Variants in PNPLA6 observed in about 807,000 individuals in gnomAD.
The protein encoded by PNPLA6 is patatin-like phospholipase domain-containing protein 6.
PNPLA6 carries 105 observed loss-of-function variants against 153.7 expected under a neutral mutation model. The observed-to-expected ratio is 0.68, with a 90% CI of 0.58 to 0.80. The LOEUF (loss-of-function observed/expected upper bound fraction) is 0.80, where lower values mean the gene tolerates loss of function less well. Among genes scored for constraint, PNPLA6 ranks in the 30% least tolerant of loss-of-function variants. The probability of loss-of-function intolerance (pLI) is 0.00; values close to 1 mark genes in which losing one functional copy is unlikely to be tolerated. For missense variants in PNPLA6, 1,423 were observed against 1,919.3 expected (o/e 0.74, Z 4.83); for synonymous variants, 825 against 822.2 (o/e 1.00, Z -0.06).
intron 17 of PNPLA6, 64 bp downstream of exon 17, chr19:7,551,171 C>T: frequency 7.3e-6 from 8 of 1,096,880 alleles, no homozygotes; most frequent in South Asian, 1.3e-5. Flanking sequence ...GGGGGCCGGG[C>T]CTAGTGTGTG....
Position 7,542,043 on chromosome 19 carries a change from G to C in PNPLA6, c.1228G>C (p.Val410Leu), listed in dbSNP as rs369465821. Residue 410 changes from valine (V) to leucine (L), a missense_variant, in exon 10 of 32, where the codon GTC becomes CTC. Val to Leu is a conservative substitution (Grantham distance 32, BLOSUM62 1). Transcript: ENST00000600737. ...TPSAPLLSRC[V>L]SMPGDISGLQ... ...CTCGGCCCCTCTGCTGAGCCGCTGC[G>C]TCTCCATGCCAGGGGACATCTCAGG... 1 of 1,607,102 alleles carries C rather than the reference G, an allele frequency of 6.2e-7. No homozygotes were observed.
rs145178162 is a variant in PNPLA6 at position 7,561,542 on chromosome 19, G to C, written c.4078G>C (p.Gly1360Arg). ...QRRCLPQEPPGSATDA is the reference protein window; with the variant it reads ...QRRCLPQEPPRSATDA Reference sequence around the variant, plus strand: ...ACGCTGTCTGCCCCAGGAGCCGCCCGGCTCAGCCACAGATGCCTGAGGACC... The same window carrying C: ...ACGCTGTCTGCCCCAGGAGCCGCCCCGCTCAGCCACAGATGCCTGAGGACC... Residue 1360 changes from glycine (G) to arginine (R), a missense_variant, in exon 32 of 32, where the codon GGC (glycine) becomes CGC (arginine). Gly to Arg is a moderately radical substitution (Grantham distance 125, BLOSUM62 -2). This residue lies in a region of PNPLA6 where 643 missense variants were observed against 835.2 expected (regional missense o/e 0.77). Coordinates refer to ENST00000600737, the MANE Select transcript of PNPLA6 (RefSeq NM_001166114.2). 1 of 1,605,832 alleles carries C rather than the reference G, an allele frequency of 6.2e-7. No individual in the cohort carries two copies. The highest frequency in any genetic ancestry group is 2.2e-5 in the East Asian group (1 of 44,618).
chr19:7,554,439 T>G (rs2023781864), intron 20 of PNPLA6, 116 bp from the exon 21 acceptor site: 1 of 1,342,724 alleles, frequency 7.4e-7, no homozygotes, highest in African/African-American at 1.4e-5. Context: ...GAGCACGGAC[T>G]TCCGTGGTGG....
rs531445564 is a variant in PNPLA6 at position 7,554,247 on chromosome 19, C to T, written c.2440C>T (p.Arg814Cys). The part of the protein sequence containing the change: ...LLLNSDIIRA[R>C]LGASALDSIQ... ...CCTTAACAGTGACATCATCCGGGCA[C>T]GCCTGGGGGCCTCCGCACTGGATAG... is the stretch of plus-strand genomic sequence containing the variant. The change falls in exon 20 of 32, where the codon CGC (arginine) becomes TGC (cysteine). Residue 814 changes from arginine to cysteine, a missense_variant. This residue lies in a region of PNPLA6 where 643 missense variants were observed against 835.2 expected (regional missense o/e 0.77). Transcript: ENST00000600737. 21 of 1,614,038 alleles carry T rather than the reference C, an allele frequency of 1.3e-5. No homozygotes were observed. The highest frequency in any genetic ancestry group is 1.6e-4 in the Middle Eastern group (1 of 6,062).
chr19:7,547,111 G>A (rs2023416435), intron 13 of PNPLA6, among the ~76,000 whole-genome samples: 1 of 151,820 alleles, frequency 6.6e-6, no homozygotes, highest in Non-Finnish European at 1.5e-5. Context: ...CACCATATTG[G>A]TCAGGCTGGT....
At position 7,550,015 on chromosome 19, in the gene PNPLA6, G is replaced by C; in HGVS notation, c.1717G>C (p.Gly573Arg). Residue 573 changes from glycine (G) to arginine (R), a missense_variant, in exon 14 of 32, where the codon GGG becomes CGG. Physicochemically the swap from Gly to Arg is moderately radical, Grantham distance 125 (BLOSUM62 -2). This residue lies in a region of PNPLA6 where 119 missense variants were observed against 163.7 expected (regional missense o/e 0.73). Coordinates refer to ENST00000600737, the MANE Select transcript of PNPLA6 (RefSeq NM_001166114.2). ...LFVAQPGELV[G>R]QLAVLTGEPL... ...CGTAGCGCAGCCCGGGGAACTGGTGGGGCAGCTGGCGGTGCTCACTGGCGA... is the reference window on the plus strand; with the variant it reads ...CGTAGCGCAGCCCGGGGAACTGGTGCGGCAGCTGGCGGTGCTCACTGGCGA... 1 of 1,614,056 alleles carries C rather than the reference G, an allele frequency of 6.2e-7. No homozygotes were observed. The highest frequency in any genetic ancestry group is 8.5e-7 in the Non-Finnish European group (1 of 1,180,042).
chr19:7,555,484 G>A lies in PNPLA6; in HGVS notation c.2936+117G>A. ...CGAGGGTGGAGCTTCCCCTCCGGGAGAGACCCCGTGGGTAGGGGCGGGTCC... is the reference window on the plus strand; with the variant it reads ...CGAGGGTGGAGCTTCCCCTCCGGGAAAGACCCCGTGGGTAGGGGCGGGTCC... On this transcript the variant is annotated intron_variant, in intron 23 of 31. Coordinates refer to ENST00000600737, the MANE Select transcript of PNPLA6 (RefSeq NM_001166114.2). This position sits in a 1 kb window ranked among gnomAD's most constrained non-coding sequence, Gnocchi z 6.3. 1 of 1,368,028 alleles carries A rather than the reference G, an allele frequency of 7.3e-7. No homozygotes were observed. The highest frequency in any genetic ancestry group is 1.0e-6 in the Non-Finnish European group (1 of 990,332). 84.7% of individuals were successfully genotyped at this position (1,368,028 alleles called of 1,614,324 possible).
Position 7,541,676 on chromosome 19 carries a change from G to A in PNPLA6, c.1160G>A (p.Gly387Glu). ...GATCCCACCGGGGCCCCGCTGCCTG[G>A]ACCTACAGGTACCCAGGGACCCGAG... ...PPDPTGAPLP[G>E]PTGDPVKPTS... The change falls in exon 9 of 32, where the codon GGA becomes GAA. Residue 387 changes from glycine (G) to glutamate (E), a missense_variant. This residue lies in a region of PNPLA6 where 267 missense variants were observed against 255.1 expected (regional missense o/e 1.05). Coordinates refer to ENST00000600737, the MANE Select transcript of PNPLA6 (RefSeq NM_001166114.2). The surrounding 1 kb of genome is among the most constrained non-coding windows in gnomAD (Gnocchi z 5.2). 6.4e-7 allele frequency: 1 copy of A among 1,571,258 alleles called. No homozygotes were observed. The highest frequency in any genetic ancestry group is 8.6e-7 in the Non-Finnish European group (1 of 1,160,790).
chr19:7,541,942 G>C lies in PNPLA6; in HGVS notation c.1169-42G>C, dbSNP rs1337995771. ...ATCTCCCAACCTGCTAATCCTCCTA[G>C]TGGCTCTGAGGGGCAGGAGCCTGAA... On this transcript the variant is annotated intron_variant, in intron 9 of 31. Coordinates refer to ENST00000600737, the MANE Select transcript of PNPLA6 (RefSeq NM_001166114.2). The surrounding 1 kb of genome is among the most constrained non-coding windows in gnomAD (Gnocchi z 5.2). 6.6e-7 allele frequency: 1 copy of C among 1,522,366 alleles called. No homozygotes were observed. The highest frequency in any genetic ancestry group is 1.7e-4 in the Middle Eastern group (1 of 5,894). The allele number at this position is 1,522,366 out of a possible 1,614,324, so 94.3% of individuals were successfully genotyped here.
chr19:7,545,801 A>C (rs665347), intron 13 of PNPLA6, among the ~76,000 whole-genome samples: 5,240 of 151,158 alleles, frequency 0.035, 113 homozygotes, highest in Middle Eastern at 0.13. Context: ...AGTCCCAGCT[A>C]CTCGGGAGCC....
In PNPLA6 at chr19:7,555,325, C is replaced by G; in HGVS notation, c.2894C>G (p.Thr965Arg). The G allele has an allele frequency of 4.5e-6, 7 of 1,562,234 alleles. No individual in the cohort carries two copies. The highest frequency in any genetic ancestry group is 6.1e-6 in the Non-Finnish European group (7 of 1,154,326). Residue 965 changes from threonine to arginine, a missense_variant, in exon 23 of 32, where the codon ACG becomes AGG. By Grantham distance (71) the Thr-to-Arg change is moderately conservative. This residue lies in a region of PNPLA6 where 643 missense variants were observed against 835.2 expected (regional missense o/e 0.77). Coordinates refer to ENST00000600737, the MANE Select transcript of PNPLA6 (RefSeq NM_001166114.2). This position sits in a 1 kb window ranked among gnomAD's most constrained non-coding sequence, Gnocchi z 6.3. The part of the protein sequence containing the change: ...SDFSRLARVL[T>R]GNTIALVLGG... Reference sequence around the variant, plus strand: ...TTCTCCCGCTTGGCGAGGGTGCTCACGGGGAACACCATTGCCCTTGTGCTA... The same window carrying G: ...TTCTCCCGCTTGGCGAGGGTGCTCAGGGGGAACACCATTGCCCTTGTGCTA...
intron 20 of PNPLA6, 112 bp downstream of exon 20, chr19:7,554,384 C>A: frequency 7.9e-7 from 1 of 1,265,920 alleles, no homozygotes; most frequent in Non-Finnish European, 1.2e-6. Flanking sequence ...GCGTCTTACC[C>A]ATAGGTCAAT....
chr19:7,549,716 G>C (rs1372257130), intron 13 of PNPLA6, 191 bp from the exon 14 acceptor site: 3 of 631,516 alleles, frequency 4.8e-6, no homozygotes, highest in Non-Finnish European at 8.5e-6. Context: ...CGAACTCCTG[G>C]CCTCAAGTGA....
At position 7,540,975 on chromosome 19, in the gene PNPLA6, C is replaced by T. The variant is rs772665971; in HGVS notation, c.848C>T (p.Thr283Met). Residue 283 changes from threonine to methionine, a missense_variant, in exon 7 of 32, where the codon ACG becomes ATG. Physicochemically the swap from Thr to Met is moderately conservative, Grantham distance 81. Transcript: ENST00000600737. This position sits in a 1 kb window ranked among gnomAD's most constrained non-coding sequence, Gnocchi z 6.8. ...TCTGCCCGGGCGGCCCGGGACTCCA[C>T]GGTGCTGCGCCTGCCGGTGGAAGCA... ...TVSARAARDS[T>M]VLRLPVEAFS... 1.1e-5 allele frequency: 18 copies of T among 1,610,476 alleles called. No homozygotes were observed. The highest frequency in any genetic ancestry group is 8.0e-5 in the African/African-American group (6 of 74,854).
rs777558728 is a variant in PNPLA6, at chr19:7,555,092, C to T, written c.2817+17C>T. On this transcript the variant is annotated intron_variant, in intron 22 of 31. Coordinates refer to ENST00000600737, the MANE Select transcript of PNPLA6 (RefSeq NM_001166114.2). The surrounding 1 kb of genome is among the most constrained non-coding windows in gnomAD (Gnocchi z 6.3). ...GCCAAGCTGGTGAGGAGCGGGCCGG[C>T]CCCCACCTTCTAGGGGCGTGGCTGG... 1.3e-4 allele frequency: 213 copies of T among 1,590,204 alleles called. 1 individual carries two copies. In the East Asian group the frequency reaches 4.6e-3, roughly 35 times the overall value.
Position 7,542,546 on chromosome 19 carries a change from C to G in PNPLA6, c.1253-15C>G. 6.3e-7 allele frequency: 1 copy of G among 1,598,798 alleles called. No individual in the cohort carries two copies. Among genetic ancestry groups the G allele is most frequent in the Non-Finnish European group, 8.6e-7 (1 of 1,166,372 alleles). On this transcript the variant is annotated splice_polypyrimidine_tract_variant and intron_variant, in intron 10 of 31. Coordinates refer to ENST00000600737, the MANE Select transcript of PNPLA6 (RefSeq NM_001166114.2). Reference sequence around the variant, plus strand: ...TCATCTTTATGGTTTTTGTTGCCCCCCTGCCTGCCTGCAGGCTTGCAGGGT... The same window carrying G: ...TCATCTTTATGGTTTTTGTTGCCCCGCTGCCTGCCTGCAGGCTTGCAGGGT...
In PNPLA6 at chr19:7,550,448, T is replaced by C. The variant is rs2146088015; in HGVS notation, c.1946+19T>C. 2 of 1,611,872 alleles carry C rather than the reference T, an allele frequency of 1.2e-6. No homozygotes were observed. Among genetic ancestry groups the C allele is most frequent in the Non-Finnish European group, 8.5e-7 (1 of 1,179,742 alleles). On this transcript the variant is annotated intron_variant, in intron 15 of 31. Coordinates refer to ENST00000600737, the MANE Select transcript of PNPLA6 (RefSeq NM_001166114.2). ...TGTACAGGTGCAGCTCCCACCGCGCTGCTCAGGCCCGGCCTAGGGGTGGGG... is the reference window on the plus strand; with the variant it reads ...TGTACAGGTGCAGCTCCCACCGCGCCGCTCAGGCCCGGCCTAGGGGTGGGG...
intron 13 of PNPLA6, among the ~76,000 whole-genome samples, chr19:7,545,184 G>A (rs1202505281): frequency 1.3e-5 from 2 of 152,016 alleles, no homozygotes; most frequent in Admixed American, 6.6e-5. Context: ...GTGCCACCAC[G>A]CCTGGCTAAT....
chr19:7,559,217 C>G lies in PNPLA6; in HGVS notation c.3699+66C>G. ...CGGCTAAGCTTTGCTACTTAAAGCCCAGAGTGGTATGAGGGGGAGGAATCC... is the reference window on the plus strand; with the variant it reads ...CGGCTAAGCTTTGCTACTTAAAGCCGAGAGTGGTATGAGGGGGAGGAATCC... On this transcript the variant is annotated intron_variant, in intron 28 of 31. Coordinates refer to ENST00000600737, the MANE Select transcript of PNPLA6 (RefSeq NM_001166114.2). The G allele has an allele frequency of 2.1e-6, 3 of 1,400,140 alleles. No homozygotes were observed. The South Asian group carries it at 3.5e-5, about 16-fold the overall frequency. The allele number at this position is 1,400,140 out of a possible 1,614,324, so 86.7% of individuals were successfully genotyped here.
Sources: gnomAD v4.1 joint callset for allele counts (sites outside exome capture counted in the v4.1 genomes callset) on GRCh38, gnomAD v4.1.1 for gene constraint, gnomAD v4.1.1 regional missense constraint, Gnocchi (gnomAD v3.1) non-coding constraint, MANE v1.5 for transcripts, NCBI Gene and HGNC (gene_info 2026-07-23, HGNC 2026-07-21) for gene names.